Variants in PRKCD observed in about 807,000 individuals in gnomAD.
PRKCD encodes protein kinase C delta.
A neutral mutation model predicts 82.2 loss-of-function variants in PRKCD; 20 were observed. The ratio of observed to expected loss-of-function variants is 0.24; its 90% CI spans 0.17 to 0.35. The LOEUF is 0.35. Ranked by LOEUF, PRKCD falls within the 10% of genes least tolerant of loss-of-function variation. The probability of loss-of-function intolerance (pLI) is 1.00; values close to 1 mark genes in which losing one functional copy is unlikely to be tolerated. For synonymous variants in PRKCD, 317 were observed against 337.0 expected (o/e 0.94, Z 0.65); for missense variants, 607 against 899.0 (o/e 0.68, Z 4.15).
chr3:53,177,101 A>C (rs1349924045), intron 2 of PRKCD, among the ~76,000 whole-genome samples: 1 of 152,046 alleles, frequency 6.6e-6, no homozygotes, highest in African/African-American at 2.4e-5. Flanking sequence ...AAGTGCTGAG[A>C]TTACAGGCAT....
At chr3:53,181,837 C>T in intron 7 of PRKCD, 105 bp downstream of exon 7, 2 of 1,527,732 alleles carry the variant, frequency 1.3e-6, no homozygotes, top group Non-Finnish European at 1.8e-6. Context: ...AGAGTGTATG[C>T]ACGTGAGTTT....
rs1408284686 is a variant in PRKCD at position 53,169,255 on chromosome 3, A to T, written c.-20+4040A>T. On this transcript the variant is annotated intron_variant, in intron 2 of 18. Transcript: ENST00000330452. The surrounding 1 kb of genome is among the most constrained non-coding windows in gnomAD (Gnocchi z 4.7). ...CTGGAGTCATTCATGTGGTGAAGCCAGGGAGGCAGGTGGGGCCACAAGCCT... is the reference window on the plus strand; with the variant it reads ...CTGGAGTCATTCATGTGGTGAAGCCTGGGAGGCAGGTGGGGCCACAAGCCT... Among the ~76,000 whole-genome samples the T allele has an allele frequency of 6.6e-6, 1 of 152,038 alleles. No homozygotes were observed. Among genetic ancestry groups the T allele is most frequent in the Non-Finnish European group, 1.5e-5 (1 of 67,984 alleles).
At chr3:53,190,136 T>G in intron 18 of PRKCD, 135 bp downstream of exon 18, 1 of 1,287,130 alleles carries the variant, frequency 7.8e-7, no homozygotes. Context: ...TCACAGCCGC[T>G]GCCCTTGTAT....
At chr3:53,170,499 T>C (rs4687571) in intron 2 of PRKCD, among the ~76,000 whole-genome samples, 1 of 152,148 alleles carries the variant, frequency 6.6e-6, no homozygotes, top group African/African-American at 2.4e-5. Flanking sequence ...CACCATAGCC[T>C]CAGGGCCCTG....
At chr3:53,176,005 C>G (rs1227937545) in intron 2 of PRKCD, among the ~76,000 whole-genome samples, 2 of 152,234 alleles carry the variant, frequency 1.3e-5, no homozygotes, top group Non-Finnish European at 2.9e-5. Context: ...GCCACCCACT[C>G]CCATGGCTGT....
chr3:53,167,512 C>T (rs782048531), intron 2 of PRKCD, among the ~76,000 whole-genome samples: 1 of 152,212 alleles, frequency 6.6e-6, no homozygotes, highest in Admixed American at 6.5e-5. Flanking sequence ...TATGAATGAA[C>T]CTGGGCAAGT....
chr3:53,161,293 G>A lies in PRKCD; in HGVS notation c.-267G>A, dbSNP rs1289757900. On this transcript the variant is annotated 5_prime_UTR_variant, in exon 1 of 19. Transcript: ENST00000330452. ...GACCCCCGGCGCCCGCCCGCCGCGC[G>A]GAGGCCCGGGCCACACCTCACTGGC... The A allele has an allele frequency of 6.8e-6, 1 of 147,974 alleles. No homozygotes were observed. The highest frequency in any genetic ancestry group is 6.7e-5 in the Admixed American group (1 of 14,976). The allele number at this position is 147,974 out of a possible 1,614,324, so 9.2% of individuals were successfully genotyped here. A position where few individuals can be genotyped will look rare whatever the true frequency, so the allele number is the denominator to read the frequency against.
intron 1 of PRKCD, among the ~76,000 whole-genome samples, chr3:53,161,976 C>T (rs1350523875): frequency 2.0e-5 from 3 of 151,100 alleles, no homozygotes; most frequent in African/African-American, 7.3e-5. Flanking sequence ...TACCGCGGGG[C>T]CCAGGCCAGG....
intron 4 of PRKCD, 121 bp downstream of exon 4, chr3:53,179,897 G>A (rs1257382553): frequency 6.2e-6 from 8 of 1,283,970 alleles, no homozygotes; most frequent in African/African-American, 1.5e-5. Context: ...GAAGAGCACC[G>A]GGCCCTGTGC....
At chr3:53,182,845 C>T (rs1360183608) in intron 7 of PRKCD, among the ~76,000 whole-genome samples, 1 of 152,198 alleles carries the variant, frequency 6.6e-6, no homozygotes. Flanking sequence ...TGCCCTGTGC[C>T]CGCTAACTTC....
chr3:53,177,940 CTTTTTCTTTT>C (rs1228365372), intron 2 of PRKCD, among the ~76,000 whole-genome samples: 3 of 108,758 alleles, frequency 2.8e-5, no homozygotes, highest in Non-Finnish European at 4.2e-5. Flanking sequence ...TTTTCTTTTT[CTTTTTCTTTT>C]TTTTTTTTTT....
At chr3:53,185,158 C>T (rs1236926465) in intron 10 of PRKCD, among the ~76,000 whole-genome samples, 184 bp downstream of exon 10, 2 of 152,178 alleles carry the variant, frequency 1.3e-5, no homozygotes, top group African/African-American at 4.8e-5. Flanking sequence ...ATAAGAAATT[C>T]ATTATTCAGG....
chr3:53,188,842 A>C lies in PRKCD; in HGVS notation c.1538A>C (p.Asp513Ala). Residue 513 changes from aspartate to alanine, a missense_variant, in exon 16 of 19, where the codon GAC becomes GCC. Physicochemically the swap from Asp to Ala is moderately radical, Grantham distance 126 (BLOSUM62 -2). Coordinates refer to ENST00000330452, the MANE Select transcript of PRKCD (RefSeq NM_006254.4). ...GCCAGCACCTTCTGCGGCACCCCTG[A>C]CTATATCGCCCCTGAGGTGAGCCGA... ...SRASTFCGTP[D>A]YIAPEILQGL... 6.2e-7 allele frequency: 1 copy of C among 1,614,090 alleles called. No homozygotes were observed. The highest frequency in any genetic ancestry group is 8.5e-7 in the Non-Finnish European group (1 of 1,180,022).
intron 15 of PRKCD, among the ~76,000 whole-genome samples, chr3:53,188,286 G>A (rs1261993490): frequency 6.7e-6 from 1 of 148,570 alleles, no homozygotes; most frequent in Non-Finnish European, 1.5e-5. Flanking sequence ...CCTCATGATT[G>A]AGCTCAGTGG....
rs782223641 is a variant in PRKCD at position 53,190,000 on chromosome 3, T to C, written c.1871T>C (p.Val624Ala). ...RRLEPPFRPK[V>A]KSPRDYSNFD... ...TTGGAGCCACCTTTCAGGCCCAAAG[T>C]GGTATGTGATCCTGCCCTGTGCTGC... Residue 624 changes from valine (V) to alanine (A), a missense_variant and splice_region_variant, in exon 18 of 19, where the codon GTG (valine) becomes GCG (alanine). By Grantham distance (64) the Val-to-Ala change is moderately conservative. Transcript: ENST00000330452. 6.2e-7 allele frequency: 1 copy of C among 1,613,842 alleles called. No individual in the cohort carries two copies. Among genetic ancestry groups the C allele is most frequent in the Non-Finnish European group, 8.5e-7 (1 of 1,179,878 alleles).
chr3:53,177,946 C>CTTTTTTT (rs55779744), intron 2 of PRKCD, among the ~76,000 whole-genome samples: 19 of 135,078 alleles, frequency 1.4e-4, no homozygotes, highest in Non-Finnish European at 2.4e-4. Flanking sequence ...TTTTCTTTTT[C>CTTTTTTT]TTTTTTTTTT....
At chr3:53,162,204 C>T (rs1228893490) in intron 1 of PRKCD, among the ~76,000 whole-genome samples, 5 of 150,898 alleles carry the variant, frequency 3.3e-5, no homozygotes, top group African/African-American at 4.9e-5. Flanking sequence ...CCGATACGGT[C>T]TGTACTCGCC....
At position 53,179,799 on chromosome 3, in the gene PRKCD, C is replaced by CATGT. The variant is rs1553666937; in HGVS notation, c.315+23_315+24insATGT. Reference sequence around the variant, plus strand: ...TGGGTAAGGGGCGCACGAGCCGTGCCGTGTGTGTGTGTGTGTGTGTCTGTG... The same window carrying CATGT: ...TGGGTAAGGGGCGCACGAGCCGTGCCATGTGTGTGTGTGTGTGTGTGTGTCTGTG... On this transcript the variant is annotated intron_variant, in intron 4 of 18. Transcript: ENST00000330452. The CATGT allele has an allele frequency of 2.3e-5, 33 of 1,410,008 alleles. No homozygotes were observed. The Middle Eastern group carries it at 7.2e-4, about 31-fold the overall frequency. 87.3% of individuals were successfully genotyped at this position (1,410,008 alleles called of 1,614,324 possible). A position where few individuals can be genotyped will look rare whatever the true frequency, so the allele number is the denominator to read the frequency against.
At position 53,186,643 on chromosome 3, in the gene PRKCD, GA is replaced by G. The variant is rs781824115; in HGVS notation, c.1301del (p.Asp434AlafsTer2). ...FFVMEFLNGGDLMYHIQDKGR... is the reference protein window; with the variant it reads ...FFVMEFLNGGXLMYHIQDKGR... ...TGTGATGGAGTTCCTCAACGGGGGG[GA>G]CCTGATGTACCACATCCAGGACAAA... On this transcript the variant is annotated frameshift_variant, in exon 14 of 19. Coordinates refer to ENST00000330452, the MANE Select transcript of PRKCD (RefSeq NM_006254.4). LOFTEE classifies it high-confidence loss of function. The G allele has an allele frequency of 6.2e-7, 1 of 1,613,952 alleles. No homozygotes were observed. Among genetic ancestry groups the G allele is most frequent in the African/African-American group, 1.3e-5 (1 of 75,036 alleles).
Sources: allele counts gnomAD v4.1 joint callset (sites outside exome capture counted in the v4.1 genomes callset), GRCh38; gene constraint gnomAD v4.1.1; non-coding constraint Gnocchi (gnomAD v3.1); transcripts MANE v1.5; gene names NCBI Gene and HGNC (gene_info 2026-07-23, HGNC 2026-07-21).